Variants in WDR20 observed in about 807,000 individuals in gnomAD.
WDR20 encodes WD repeat-containing protein 20.
WDR20 carries 3 observed loss-of-function variants against 38.7 expected under a neutral mutation model. The observed-to-expected ratio is 0.08, with a 90% CI of 0.04 to 0.20. The LOEUF (loss-of-function observed/expected upper bound fraction) is 0.20, where lower values mean the gene tolerates loss of function less well. Among genes scored for constraint, WDR20 ranks in the 10% least tolerant of loss-of-function variants. The pLI is 1.00. For missense variants in WDR20, 559 were observed against 727.7 expected, an observed-to-expected ratio of 0.77 and a Z score of 2.67; for synonymous variants, 298 against 285.6, an observed-to-expected ratio of 1.04 and a Z score of -0.44.
At chr14:102,145,749 C>T (rs1181329983) in intron 1 of WDR20, among the ~76,000 whole-genome samples, 1 of 150,106 alleles carries the variant, frequency 6.7e-6, no homozygotes, top group East Asian at 2.0e-4. Flanking sequence ...CCAGCCCGGG[C>T]AAGAGAGTGA....
chr14:102,223,874 C>T (rs1315802137), downstream of WDR20, among the ~76,000 whole-genome samples: 4 of 152,048 alleles, frequency 2.6e-5, no homozygotes, highest in African/African-American at 9.7e-5. Context: ...CTGTCTGTGG[C>T]CACTGTGGGC....
At chr14:102,147,628 C>G (rs964969646) in intron 1 of WDR20, among the ~76,000 whole-genome samples, 2 of 152,218 alleles carry the variant, frequency 1.3e-5, no homozygotes, top group Non-Finnish European at 2.9e-5. Context: ...GGGTAAAGTG[C>G]TTTGATGGCA....
intron 1 of WDR20, among the ~76,000 whole-genome samples, chr14:102,187,767 C>G (rs1329575909): frequency 6.6e-6 from 1 of 152,170 alleles, no homozygotes; most frequent in Admixed American, 6.5e-5. Context: ...GAAACCCAGG[C>G]TGGATGAGGG....
chr14:102,152,524 C>T (rs983160506), intron 1 of WDR20, among the ~76,000 whole-genome samples: 2 of 151,798 alleles, frequency 1.3e-5, no homozygotes, highest in African/African-American at 2.4e-5. Flanking sequence ...AAGCAACTCT[C>T]CTGCCTCAGA....
chr14:102,205,154 A>T (rs992298948), intron 2 of WDR20, among the ~76,000 whole-genome samples: 1 of 152,092 alleles, frequency 6.6e-6, no homozygotes, highest in Non-Finnish European at 1.5e-5. Flanking sequence ...AGCTATACTC[A>T]GGAGGCTGAG....
intron 1 of WDR20, among the ~76,000 whole-genome samples, chr14:102,193,276 G>T (rs1210456136): frequency 1.3e-5 from 2 of 152,032 alleles, no homozygotes. Flanking sequence ...ATCGTCCCAG[G>T]CCCCGCTGCT....
chr14:102,149,591 C>T (rs1391190262), intron 1 of WDR20, among the ~76,000 whole-genome samples: 4 of 152,166 alleles, frequency 2.6e-5, no homozygotes, highest in Non-Finnish European at 5.9e-5. Context: ...TCTGATTGAG[C>T]GTAAGATGTC....
At chr14:102,184,240 A>T (rs2064028398) in intron 1 of WDR20, among the ~76,000 whole-genome samples, 1 of 152,226 alleles carries the variant, frequency 6.6e-6, no homozygotes. Flanking sequence ...GAAGCCTCAC[A>T]ACAGCCATTT....
chr14:102,193,429 T>C, intron 1 of WDR20: 1 of 1,604,778 alleles, frequency 6.2e-7, no homozygotes, highest in African/African-American at 1.3e-5. Flanking sequence ...TTCAAGGCTC[T>C]TTCATGTATA....
intron 2 of WDR20, among the ~76,000 whole-genome samples, chr14:102,202,947 A>T (rs1461847124): frequency 1.3e-5 from 2 of 152,182 alleles, no homozygotes; most frequent in Non-Finnish European, 2.9e-5. Context: ...ATACTGGGCA[A>T]AACCCAGGGG....
chr14:102,208,150 C>T lies in WDR20; in HGVS notation c.433-453C>T, dbSNP rs955879979. On this transcript the variant is annotated intron_variant, in intron 2 of 2. Transcript: ENST00000342702. This position sits in a 1 kb window ranked among gnomAD's most constrained non-coding sequence, Gnocchi z 5.6. The stretch of plus-strand genomic sequence containing the variant: ...CAGTGACAGTAAAGGCAGAGGAACC[C>T]GTGAGGGTGAGGCAGAGCCCTCCTG... 1.3e-5 allele frequency among the ~76,000 whole-genome samples: 2 copies of T among 152,216 alleles called. No individual in the cohort carries two copies. Among genetic ancestry groups the T allele is most frequent in the African/African-American group, 4.8e-5 (2 of 41,446 alleles).
intron 1 of WDR20, among the ~76,000 whole-genome samples, chr14:102,164,161 A>G (rs1053690516): frequency 6.6e-6 from 1 of 151,686 alleles, no homozygotes; most frequent in Admixed American, 6.6e-5. Flanking sequence ...GCTTTGGTCC[A>G]TTTGCCACTC....
chr14:102,153,289 A>G (rs1288356667), intron 1 of WDR20, among the ~76,000 whole-genome samples: 2 of 147,224 alleles, frequency 1.4e-5, no homozygotes, highest in Non-Finnish European at 3.0e-5. Flanking sequence ...CAGAACCATG[A>G]GCCAGTGAAA....
At chr14:102,190,669 G>T (rs1431000859) in intron 1 of WDR20, among the ~76,000 whole-genome samples, 3 of 151,766 alleles carry the variant, frequency 2.0e-5, no homozygotes. Flanking sequence ...GAGGGCAGGG[G>T]TGCTAGGTAC....
downstream of WDR20, chr14:102,214,089 G>A (rs1397701505): frequency 5.9e-5 from 58 of 985,560 alleles, no homozygotes; most frequent in East Asian, 2.7e-3. Context: ...CCATGGCGGC[G>A]GTCGGTGTGC....
rs1184214345 is a variant in WDR20 at position 102,220,837 on chromosome 14, C to T, written c.1693-1993C>T. ...CCCCAGGCTGGAGTGCAGTGGATCG[C>T]GGCTCATTGCACCCTGCATCTCCTG... On this transcript the variant is annotated intron_variant, in intron 3 of 3. Transcript: ENST00000335263. This position sits in a 1 kb window ranked among gnomAD's most constrained non-coding sequence, Gnocchi z 4.2. Among the ~76,000 whole-genome samples, 4 of 152,104 alleles carry T rather than the reference C, an allele frequency of 2.6e-5. No individual in the cohort carries two copies. Among genetic ancestry groups the T allele is most frequent in the Non-Finnish European group, 4.4e-5 (3 of 68,012 alleles).
Position 102,222,936 on chromosome 14 carries a change from CGAG to C in WDR20, c.*60_*62del. The C allele has an allele frequency of 2.5e-6, 4 of 1,607,140 alleles. No homozygotes were observed. Among genetic ancestry groups the C allele is most frequent in the Non-Finnish European group, 2.6e-6 (3 of 1,174,696 alleles). On this transcript the variant is annotated 3_prime_UTR_variant, in exon 4 of 4. Transcript: ENST00000335263. The surrounding 1 kb of genome is among the most constrained non-coding windows in gnomAD (Gnocchi z 4.4). ...CCGGGACTTGGACTCGAGGGAGTGA[CGAG>C]GAGGAGCTCCGAGCTGCGCCTGAGC... is the stretch of plus-strand genomic sequence containing the variant.
chr14:102,193,391 G>C (rs2058870065), intron 1 of WDR20: 1 of 1,520,142 alleles, frequency 6.6e-7, no homozygotes, highest in Non-Finnish European at 9.1e-7. Flanking sequence ...ACTCCCTTTT[G>C]TTTTGTATCA....
chr14:102,213,696 G>T (rs1230517971), downstream of WDR20: 1 of 985,310 alleles, frequency 1.0e-6, no homozygotes, highest in Non-Finnish European at 1.2e-6. Flanking sequence ...CACTTCCTGG[G>T]GTTCATTTTA....
Sources: allele counts gnomAD v4.1 joint callset (sites outside exome capture counted in the v4.1 genomes callset), GRCh38; gene constraint gnomAD v4.1.1; non-coding constraint Gnocchi (gnomAD v3.1); transcripts MANE v1.5; gene names NCBI Gene and HGNC (gene_info 2026-07-23, HGNC 2026-07-21).